Variants in MAPK4 observed in about 807,000 individuals in gnomAD.
MAPK4 encodes mitogen-activated protein kinase 4, also known as Erk3-related.
A neutral mutation model predicts 47.7 loss-of-function variants in MAPK4; 22 were observed. The observed-to-expected ratio is 0.46, with a 90% CI of 0.33 to 0.66. The LOEUF (loss-of-function observed/expected upper bound fraction) is 0.66, where lower values mean the gene tolerates loss of function less well. Ranked by LOEUF, MAPK4 falls within the 30% of genes least tolerant of loss-of-function variation. The pLI is 0.02. For missense variants in MAPK4, 736 were observed against 831.7 expected (o/e 0.88, Z 1.42); for synonymous variants, 390 against 365.7 (o/e 1.07, Z -0.76).
intron 1 of MAPK4, among the ~76,000 whole-genome samples, chr18:50,652,169 G>A (rs532730785): frequency 3.9e-5 from 6 of 152,306 alleles, no homozygotes; most frequent in South Asian, 4.1e-4. Context: ...CAGAATCCAG[G>A]CCTCCTGGCT....
In MAPK4 at chr18:50,587,445, G is replaced by A. The variant is rs558094130; in HGVS notation, c.-871+27202G>A. 7.9e-5 allele frequency among the ~76,000 whole-genome samples: 12 copies of A among 152,252 alleles called. No homozygotes were observed. In the South Asian group the frequency reaches 1.9e-3, roughly 24 times the overall value. ...ATAAGCTTCCTAAAGTTTTTGTTGT[G>A]CAGCCCAAATGGAGTAAGACAGGGA... is the stretch of plus-strand genomic sequence containing the variant. On this transcript the variant is annotated intron_variant, in intron 1 of 5. Coordinates refer to ENST00000400384, the MANE Select transcript of MAPK4 (RefSeq NM_002747.4).
At chr18:50,583,767 A>G (rs973150679) in intron 1 of MAPK4, among the ~76,000 whole-genome samples, 3 of 152,248 alleles carry the variant, frequency 2.0e-5, no homozygotes, top group South Asian at 2.1e-4. Context: ...CTGCCTAGGA[A>G]TTTGTCTCCT....
chr18:50,564,711 A>G (rs2042183721), intron 1 of MAPK4, among the ~76,000 whole-genome samples: 2 of 152,232 alleles, frequency 1.3e-5, no homozygotes, highest in South Asian at 2.1e-4. Flanking sequence ...CTTTTGAAGC[A>G]TAAAGCCTCA....
At chr18:50,650,464 A>C (rs1350151790) in intron 1 of MAPK4, among the ~76,000 whole-genome samples, 1 of 152,172 alleles carries the variant, frequency 6.6e-6, no homozygotes, top group Non-Finnish European at 1.5e-5. Context: ...GCATGTGGGC[A>C]TGAGACTGTC....
chr18:50,702,183 A>G lies in MAPK4; in HGVS notation c.547-12896A>G, dbSNP rs7234816. Among the ~76,000 whole-genome samples the G allele has an allele frequency of 9.2e-3, 1,393 of 150,906 alleles. 26 individuals carry two copies. Among genetic ancestry groups the G allele is most frequent in the African/African-American group, 0.032 (1,303 of 41,004 alleles). ...TCTCAAAAAAAAAAAAAAAAAAAAA[A>G]TCAACCATTCTAAAGTATCAACCAC... On this transcript the variant is annotated intron_variant, in intron 2 of 5. Coordinates refer to ENST00000400384, the MANE Select transcript of MAPK4 (RefSeq NM_002747.4).
chr18:50,628,569 A>G (rs2042802228), intron 1 of MAPK4, among the ~76,000 whole-genome samples: 1 of 152,316 alleles, frequency 6.6e-6, no homozygotes, highest in Middle Eastern at 3.4e-3. Flanking sequence ...TTCTTATTTA[A>G]TCTCTCACTA....
intron 2 of MAPK4, among the ~76,000 whole-genome samples, chr18:50,706,839 G>A (rs1910083804): frequency 1.3e-5 from 2 of 152,164 alleles, no homozygotes; most frequent in Non-Finnish European, 2.9e-5. Context: ...TGGTCCTGGT[G>A]AGGATGGTGG....
Position 50,729,420 on chromosome 18 carries a change from C to T in MAPK4, c.1330C>T (p.Arg444Cys), listed in dbSNP as rs1911405520. ...SPSYLDKLLW[R>C]DNKPHHYSEP... ...GTCCTACCTGGACAAGCTGCTGTGG[C>T]GCGACAACAAGCCGCACCACTACTC... Residue 444 changes from arginine (R) to cysteine (C), a missense_variant, in exon 6 of 6, where the codon CGC becomes TGC. Physicochemically the swap from Arg to Cys is radical, Grantham distance 180. Transcript: ENST00000400384. 1.9e-6 allele frequency: 3 copies of T among 1,551,324 alleles called. No homozygotes were observed. The highest frequency in any genetic ancestry group is 1.7e-4 in the Middle Eastern group (1 of 5,978).
rs1911427713 is a variant in MAPK4 at position 50,729,612 on chromosome 18, A to C, written c.1522A>C (p.Ser508Arg). The change falls in exon 6 of 6, where the codon AGC becomes CGC. Residue 508 changes from serine (S) to arginine (R), a missense_variant. Ser to Arg is a moderately radical substitution (Grantham distance 110). Transcript: ENST00000400384. Reference protein sequence around the residue: ...KSTQGGPEHASPPADDPERRL... With the variant: ...KSTQGGPEHARPPADDPERRL... Reference sequence around the variant, plus strand: ...CACGCAGGGCGGCCCAGAGCACGCCAGCCCGCCCGCCGACGACCCCGAGCG... The same window carrying C: ...CACGCAGGGCGGCCCAGAGCACGCCCGCCCGCCCGCCGACGACCCCGAGCG... 1 of 1,377,266 alleles carries C rather than the reference A, an allele frequency of 7.3e-7. No homozygotes were observed. The allele number at this position is 1,377,266 out of a possible 1,614,324, so 85.3% of individuals were successfully genotyped here.
At chr18:50,605,089 G>A (rs386423697) in intron 1 of MAPK4, among the ~76,000 whole-genome samples, 55 of 152,302 alleles carry the variant, frequency 3.6e-4, no homozygotes, top group African/African-American at 1.0e-3. Flanking sequence ...ACACATCAAC[G>A]CTTTGATGCA....
chr18:50,620,352 A>G (rs1444783079), intron 1 of MAPK4, among the ~76,000 whole-genome samples: 2 of 152,218 alleles, frequency 1.3e-5, no homozygotes, highest in African/African-American at 4.8e-5. Flanking sequence ...GAATCTCTCA[A>G]ACTTTCAGGA....
At chr18:50,707,791 G>T (rs1162746494) in intron 2 of MAPK4, among the ~76,000 whole-genome samples, 1 of 151,972 alleles carries the variant, frequency 6.6e-6, no homozygotes, top group Non-Finnish European at 1.5e-5. Flanking sequence ...GTCCAACAAG[G>T]GCCTGCAGGC....
chr18:50,706,860 G>A (rs1910084742), intron 2 of MAPK4, among the ~76,000 whole-genome samples: 1 of 152,154 alleles, frequency 6.6e-6, no homozygotes, highest in Admixed American at 6.5e-5. Flanking sequence ...TAATGGAGCT[G>A]CCAGTCCTGG....
intron 2 of MAPK4, among the ~76,000 whole-genome samples, chr18:50,699,015 A>T (rs1909648207): frequency 6.6e-6 from 1 of 151,998 alleles, no homozygotes; most frequent in Non-Finnish European, 1.5e-5. Flanking sequence ...ACAGAGCAAG[A>T]CTCTGTCTCA....
At chr18:50,589,216 A>G (rs1195335244) in intron 1 of MAPK4, among the ~76,000 whole-genome samples, 3 of 152,200 alleles carry the variant, frequency 2.0e-5, no homozygotes, top group Non-Finnish European at 4.4e-5. Context: ...GGTCCTAAAG[A>G]TTATTTGGTG....
intron 1 of MAPK4, among the ~76,000 whole-genome samples, chr18:50,573,688 C>G (rs2042269486): frequency 6.6e-6 from 1 of 152,128 alleles, no homozygotes; most frequent in Non-Finnish European, 1.5e-5. Flanking sequence ...TACCTGATGC[C>G]AAAAGGGTTG....
At chr18:50,719,726 C>CT (rs1302242130) in intron 3 of MAPK4, among the ~76,000 whole-genome samples, 3 of 152,222 alleles carry the variant, frequency 2.0e-5, no homozygotes, top group African/African-American at 7.2e-5. Flanking sequence ...AGCTGGGCTT[C>CT]TCCATACCAC....
intron 2 of MAPK4, among the ~76,000 whole-genome samples, chr18:50,665,127 T>G (rs1907524200): frequency 6.6e-6 from 1 of 152,226 alleles, no homozygotes; most frequent in Non-Finnish European, 1.5e-5. Context: ...CAGACGGTAC[T>G]ATTGCGATTC....
intron 1 of MAPK4, among the ~76,000 whole-genome samples, chr18:50,653,148 C>T (rs11663982): frequency 0.33 from 50,602 of 151,458 alleles, 9,488 homozygotes; most frequent in Non-Finnish European, 0.41. Flanking sequence ...ATGATCGAGC[C>T]ACTGCACACC....
Sources: allele counts gnomAD v4.1 joint callset (sites outside exome capture counted in the v4.1 genomes callset), GRCh38; gene constraint gnomAD v4.1.1; transcripts MANE v1.5; gene names NCBI Gene and HGNC (gene_info 2026-07-23, HGNC 2026-07-21).